NPC1: variants seen among roughly 807,000 people sequenced by gnomAD.
The protein encoded by NPC1 is NPC intracellular cholesterol transporter 1.
In NPC1, 85 loss-of-function variants were observed where a neutral mutation model predicts 140.4. The observed-to-expected ratio is 0.61, with a 90% CI of 0.51 to 0.72. The LOEUF (loss-of-function observed/expected upper bound fraction) is 0.72, where lower values mean the gene tolerates loss of function less well. NPC1 is among the 30% of genes least tolerant of loss of function. The pLI is 0.00. For synonymous variants in NPC1, 656 were observed against 624.8 expected (o/e 1.05, Z -0.74); for missense variants, 1,504 against 1,623.8 (o/e 0.93, Z 1.27).
chr18:23,529,603 G>A, downstream of NPC1: 13 of 1,578,074 alleles, frequency 8.2e-6, no homozygotes, highest in Non-Finnish European at 1.1e-5. Flanking sequence ...CACCTCGTTG[G>A]TATTTGTAAG....
downstream of NPC1, chr18:23,529,404 A>G (rs1232059542): frequency 6.8e-7 from 1 of 1,471,648 alleles, no homozygotes; most frequent in Admixed American, 2.5e-5. Context: ...AGTGATTAGA[A>G]TCACTGGAGT....
chr18:23,547,893 C>T (rs901238170), intron 11 of NPC1, 113 bp downstream of exon 11: 8 of 789,080 alleles, frequency 1.0e-5, no homozygotes, highest in Admixed American at 1.7e-5. Flanking sequence ...AACAAAACTA[C>T]GTAACTCAGA....
intron 4 of NPC1, among the ~76,000 whole-genome samples, chr18:23,565,747 T>C (rs903336504): frequency 2.6e-5 from 4 of 152,258 alleles, no homozygotes; most frequent in African/African-American, 9.6e-5. Context: ...TTTGAGATTG[T>C]CCATTGCAAG....
chr18:23,555,201 C>T (rs1305654030), intron 8 of NPC1, among the ~76,000 whole-genome samples: 2 of 152,206 alleles, frequency 1.3e-5, no homozygotes, highest in East Asian at 1.9e-4. Flanking sequence ...TCCACAGAGG[C>T]GGCGAGGGGT....
downstream of NPC1, chr18:23,530,626 GAA>G (rs2058464920): frequency 2.5e-6 from 4 of 1,609,786 alleles, no homozygotes; most frequent in Non-Finnish European, 2.5e-6. Flanking sequence ...AGAATGCAAT[GAA>G]AAGACTTGGG....
chr18:23,551,525 A>G, intron 10 of NPC1, 102 bp downstream of exon 10: 1 of 937,148 alleles, frequency 1.1e-6, no homozygotes, highest in Non-Finnish European at 1.8e-6. Flanking sequence ...GAAATTAACA[A>G]AACTGCCCAA....
rs1396470386 is a variant in NPC1 at position 23,532,132 on chromosome 18, T to C, written c.*70A>G. On this transcript the variant is annotated 3_prime_UTR_variant, in exon 25 of 25. Transcript: ENST00000269228. ...CCGGTGTTCAACTTGGCCTTGCCGA[T>C]GCAGCACCCGTCCAGTGGTAAACCG... is the stretch of plus-strand genomic sequence containing the variant. 3 of 1,613,968 alleles carry C rather than the reference T, an allele frequency of 1.9e-6. No homozygotes were observed. The highest frequency in any genetic ancestry group is 2.5e-6 in the Non-Finnish European group (3 of 1,180,016).
At chr18:23,529,328 C>A, downstream of NPC1, 1 of 1,592,968 alleles carries the variant, frequency 6.3e-7, no homozygotes, top group Non-Finnish European at 8.5e-7. Flanking sequence ...CTCTTCTGGA[C>A]TGAGAATGCT....
At chr18:23,524,628 T>C (rs565980219), downstream of NPC1, 21 of 746,466 alleles carry the variant, frequency 2.8e-5, no homozygotes, top group East Asian at 5.5e-4. Context: ...TTTTTCACTT[T>C]ATACGTTTTT....
At chr18:23,546,535 G>T (rs892788859) in intron 11 of NPC1, among the ~76,000 whole-genome samples, 1 of 152,170 alleles carries the variant, frequency 6.6e-6, no homozygotes, top group Non-Finnish European at 1.5e-5. Flanking sequence ...CAAAAGAAAT[G>T]AAAACTCACA....
At chr18:23,544,910 T>C (rs1355903706) in intron 12 of NPC1, 50 bp downstream of exon 12, 2 of 1,278,998 alleles carry the variant, frequency 1.6e-6, no homozygotes, top group South Asian at 1.2e-5. Context: ...GACGTTACAC[T>C]GTGCACTGCT....
rs199713263 is a variant in NPC1, at chr18:23,544,947, C to CCCCCT, written c.1947+12_1947+13insAGGGG. 1.0e-4 allele frequency: 141 copies of CCCCCT among 1,359,584 alleles called. 6 individuals are homozygous for CCCCCT. The highest frequency in any genetic ancestry group is 1.5e-4 in the South Asian group (13 of 84,432). 84.2% of individuals were successfully genotyped at this position (1,359,584 alleles called of 1,614,324 possible). A position where few individuals can be genotyped will look rare whatever the true frequency, so the allele number is the denominator to read the frequency against. On this transcript the variant is annotated intron_variant, in intron 12 of 24. Transcript: ENST00000269228. Reference sequence around the variant, plus strand: ...TTAACCTCTAGAACATACACCACCCCCCCCCGGCTTACCAGAAGCCTGCGA... The same window carrying CCCCCT: ...TTAACCTCTAGAACATACACCACCCCCCCCTCCCCCGGCTTACCAGAAGCCTGCGA...
chr18:23,514,988 T>C (rs765519889), intron 3 of NPC1, among the ~76,000 whole-genome samples: 8 of 152,102 alleles, frequency 5.3e-5, no homozygotes, highest in Non-Finnish European at 1.2e-4. Flanking sequence ...ACTGCATTTG[T>C]ATGGAGTCTT....
chr18:23,529,774 ACT>A (rs752832171), downstream of NPC1: 233 of 1,490,370 alleles, frequency 1.6e-4, no homozygotes, highest in South Asian at 2.5e-3. Flanking sequence ...AAACACAGTC[ACT>A]GTCTTAGAAG....
In NPC1 at chr18:23,533,456, G is replaced by C; in HGVS notation, c.3653C>G (p.Ser1218Cys). Residue 1218 changes from serine to cysteine, a missense_variant, in exon 24 of 25, where the codon TCT (serine) becomes TGT (cysteine). Transcript: ENST00000269228. The part of the protein sequence containing the change: ...GGIVVLAFAK[S>C]QIFQIFYFRM... Reference sequence around the variant, plus strand: ...GAAGTAGAATATCTGGAAAATTTGAGATTTGGCAAAAGCCAACACCACAAT... The same window carrying C: ...GAAGTAGAATATCTGGAAAATTTGACATTTGGCAAAAGCCAACACCACAAT... The C allele has an allele frequency of 1.2e-6, 2 of 1,614,216 alleles. No individual in the cohort carries two copies. Among genetic ancestry groups the C allele is most frequent in the Non-Finnish European group, 1.7e-6 (2 of 1,180,018 alleles).
At chr18:23,567,500 A>C (rs1236996238) in intron 4 of NPC1, among the ~76,000 whole-genome samples, 1 of 152,070 alleles carries the variant, frequency 6.6e-6, no homozygotes, top group Non-Finnish European at 1.5e-5. Flanking sequence ...TTTCTTATTG[A>C]GTTTTAGGAG....
rs2058520592 is a variant in NPC1 at position 23,531,839 on chromosome 18, T to C, written c.*363A>G. On this transcript the variant is annotated 3_prime_UTR_variant, in exon 25 of 25. Coordinates refer to ENST00000269228, the MANE Select transcript of NPC1 (RefSeq NM_000271.5). ...CACTAAAAATATGGTATAGAACTTGTGGGATGGCTTACTCCTAAAAGGAGA... is the reference window on the plus strand; with the variant it reads ...CACTAAAAATATGGTATAGAACTTGCGGGATGGCTTACTCCTAAAAGGAGA... 5 of 1,466,886 alleles carry C rather than the reference T, an allele frequency of 3.4e-6. No individual in the cohort carries two copies. The highest frequency in any genetic ancestry group is 4.5e-6 in the Non-Finnish European group (5 of 1,118,536). 90.9% of individuals were successfully genotyped at this position (1,466,886 alleles called of 1,614,324 possible).
At chr18:23,560,087 T>C (rs2059016178) in intron 6 of NPC1, 144 bp downstream of exon 6, 2 of 948,736 alleles carry the variant, frequency 2.1e-6, no homozygotes, top group East Asian at 2.4e-5. Flanking sequence ...ATAGAATAGC[T>C]GTAGGACACA....
Position 23,538,538 on chromosome 18 carries a change from T to C in NPC1, c.3041+4A>G. 1.2e-6 allele frequency: 2 copies of C among 1,614,168 alleles called. No homozygotes were observed. The highest frequency in any genetic ancestry group is 8.5e-7 in the Non-Finnish European group (1 of 1,180,012). ...TGCTTATCTGCAATGGCAGCAGCAC[T>C]TACCCTTTGCCACACTTGGGGTTAG... is the stretch of plus-strand genomic sequence containing the variant. On this transcript the variant is annotated splice_donor_region_variant and intron_variant, in intron 20 of 24. Coordinates refer to ENST00000269228, the MANE Select transcript of NPC1 (RefSeq NM_000271.5).
Sources: allele counts gnomAD v4.1 joint callset (sites outside exome capture counted in the v4.1 genomes callset), GRCh38; gene constraint gnomAD v4.1.1; transcripts MANE v1.5; gene names NCBI Gene and HGNC (gene_info 2026-07-23, HGNC 2026-07-21).